The following ATP13A5 variants were observed in gnomAD, a reference collection of about 807,000 sequenced individuals.
ATP13A5 encodes the protein ATPase 13A5, also known as probable cation-transporting ATPase 13A5.
Under a neutral mutation model 150.2 loss-of-function variants are expected in ATP13A5, and 149 were observed. The observed-to-expected ratio is 0.99, with a 90% confidence interval of 0.87 to 1.14. The LOEUF is 1.14. Ranked by LOEUF, ATP13A5 falls within the 50% of genes most tolerant of loss-of-function variation. ATP13A5 has a pLI of 0.00. For synonymous variants in ATP13A5, 497 were observed against 522.2 expected (o/e 0.95, Z 0.66); for missense variants, 1,383 against 1,449.3 (o/e 0.95, Z 0.74).
At chr3:193,306,128 G>C (rs1181944873) in intron 22 of ATP13A5, among the ~76,000 whole-genome samples, 1 of 151,382 alleles carries the variant, frequency 6.6e-6, no homozygotes, top group Non-Finnish European at 1.5e-5. Context: ...GGCATAAAAT[G>C]AACTTTTATA....
rs2108855660 is a variant in ATP13A5 at position 193,315,042 on chromosome 3, G to A, written c.2088C>T (p.Arg696=). 6.2e-7 allele frequency: 1 copy of A among 1,613,444 alleles called. No homozygotes were observed. Among genetic ancestry groups the A allele is most frequent in the Non-Finnish European group, 8.5e-7 (1 of 1,179,648 alleles). The part of the protein sequence containing the change: ...TFLGLLIMEN[R]LKKETKLVLK... ...AGACCAGTTTGGTTTCTTTTTTCAA[G>A]CGATTCTCCATGATGAGAAGTCCCA... Residue 696 remains arginine, a synonymous_variant, in exon 18 of 30, where the codon CGC becomes CGT. Coordinates refer to ENST00000342358, the MANE Select transcript of ATP13A5 (RefSeq NM_198505.4).
intron 26 of ATP13A5, among the ~76,000 whole-genome samples, chr3:193,286,928 G>A (rs1384462852): frequency 6.6e-6 from 1 of 152,118 alleles, no homozygotes; most frequent in African/African-American, 2.4e-5. Flanking sequence ...TGTTATTCCA[G>A]TGAACACATG....
At chr3:193,287,915 A>G (rs1002937943) in intron 26 of ATP13A5, among the ~76,000 whole-genome samples, 1 of 152,182 alleles carries the variant, frequency 6.6e-6, no homozygotes, top group Admixed American at 6.5e-5. Context: ...TAAAAACATC[A>G]ACATTAATGG....
intron 28 of ATP13A5, among the ~76,000 whole-genome samples, chr3:193,277,154 A>G (rs999693553): frequency 5.9e-5 from 9 of 152,194 alleles, no homozygotes; most frequent in African/African-American, 1.9e-4. Flanking sequence ...TATCTTTTCA[A>G]ACAGAAGGCT....
chr3:193,282,721 G>A (rs1326821750), intron 27 of ATP13A5, among the ~76,000 whole-genome samples: 1 of 152,168 alleles, frequency 6.6e-6, no homozygotes, highest in African/African-American at 2.4e-5. Context: ...TTGTAATGGA[G>A]AAAACAACGA....
chr3:193,333,303 T>C (rs1711714795), intron 11 of ATP13A5, among the ~76,000 whole-genome samples: 1 of 152,104 alleles, frequency 6.6e-6, no homozygotes, highest in South Asian at 2.1e-4. Context: ...GCTCACACTG[T>C]TATGATCCCA....
At position 193,275,139 on chromosome 3, in the gene ATP13A5, T is replaced by C. The variant is rs758479666; in HGVS notation, c.3560A>G (p.Tyr1187Cys). 5.6e-6 allele frequency: 9 copies of C among 1,614,224 alleles called. No individual in the cohort carries two copies. The highest frequency in any genetic ancestry group is 7.6e-6 in the Non-Finnish European group (9 of 1,180,026). The change falls in exon 30 of 30, where the codon TAC becomes TGC. Residue 1187 changes from tyrosine (Y) to cysteine (C), a missense_variant. Tyr to Cys is a radical substitution (Grantham distance 194). Around this residue, in one of 3 missense-constraint regions of ATP13A5, gnomAD observed 568 missense variants for 621.5 expected, o/e 0.91. Transcript: ENST00000342358. ...ATGGCTTTCATAGCCTCCGTTGATG[T>C]AGAATCCATTTTTGCCATCACCTGA... ...DYSGDGKNGFYINGGYESHEQ... is the reference protein window; with the variant it reads ...DYSGDGKNGFCINGGYESHEQ...
intron 21 of ATP13A5, among the ~76,000 whole-genome samples, 172 bp downstream of exon 21, chr3:193,310,466 C>G (rs1157960366): frequency 1.3e-5 from 2 of 152,170 alleles, no homozygotes; most frequent in African/African-American, 2.4e-5. Flanking sequence ...AATGGCTGAA[C>G]TAATTTACAC....
At chr3:193,283,125 A>G (rs1717571888) in intron 27 of ATP13A5, among the ~76,000 whole-genome samples, 1 of 152,208 alleles carries the variant, frequency 6.6e-6, no homozygotes, top group Non-Finnish European at 1.5e-5. Flanking sequence ...AAACACATAT[A>G]TGAAGATAGG....
intron 12 of ATP13A5, among the ~76,000 whole-genome samples, chr3:193,328,304 C>T (rs1185223552): frequency 1.3e-5 from 2 of 152,176 alleles, no homozygotes; most frequent in African/African-American, 4.8e-5. Flanking sequence ...ATTTGAACTT[C>T]ACAAAGAAGG....
At chr3:193,296,666 G>T (rs969802496) in intron 25 of ATP13A5, among the ~76,000 whole-genome samples, 15 of 151,940 alleles carry the variant, frequency 9.9e-5, no homozygotes, top group African/African-American at 3.6e-4. Context: ...TTGGCTATTC[G>T]TGCTCTTTTT....
Position 193,276,782 on chromosome 3 carries a change from G to C in ATP13A5, c.3364C>G (p.Leu1122Val), listed in dbSNP as rs1560109038. 4 of 1,613,290 alleles carry C rather than the reference G, an allele frequency of 2.5e-6. No homozygotes were observed. Among genetic ancestry groups the C allele is most frequent in the Non-Finnish European group, 3.4e-6 (4 of 1,179,472 alleles). The change falls in exon 29 of 30, where the codon CTC (leucine) becomes GTC (valine). Residue 1122 changes from leucine to valine, a missense_variant. Physicochemically the swap from Leu to Val is conservative, Grantham distance 32. Coordinates refer to ENST00000342358, the MANE Select transcript of ATP13A5 (RefSeq NM_198505.4). ...AAGAAAGCCACACAGAATTGGGTGAGGGCTACCACCAAAATTAAAACCCTC... is the reference window on the plus strand; with the variant it reads ...AAGAAAGCCACACAGAATTGGGTGACGGCTACCACCAAAATTAAAACCCTC... ...SWRVLILVVA[L>V]TQFCVAFFVE...
chr3:193,332,927 T>C (rs1711690004), intron 11 of ATP13A5, among the ~76,000 whole-genome samples: 1 of 152,144 alleles, frequency 6.6e-6, no homozygotes, highest in African/African-American at 2.4e-5. Flanking sequence ...TAAATTGGCA[T>C]ACTCCCTCAA....
chr3:193,344,044 G>T lies in ATP13A5; in HGVS notation c.826C>A (p.Leu276Met). 1 of 1,613,128 alleles carries T rather than the reference G, an allele frequency of 6.2e-7. No homozygotes were observed. The highest frequency in any genetic ancestry group is 8.5e-7 in the Non-Finnish European group (1 of 1,179,402). ...IIVKDKGLEE[L>M]ESRLLVPGDI... ...CCGGGAACCAAGAGACGGGATTCCA[G>T]CTCCTCCAAACCTACACCAAAGCAA... The change falls in exon 9 of 30, where the codon CTG becomes ATG. Residue 276 changes from leucine to methionine, a missense_variant. Physicochemically the swap from Leu to Met is conservative, Grantham distance 15. This residue lies in a region of ATP13A5 where 787 missense variants were observed against 771.9 expected (regional missense o/e 1.02). Coordinates refer to ENST00000342358, the MANE Select transcript of ATP13A5 (RefSeq NM_198505.4).
intron 22 of ATP13A5, chr3:193,307,097 C>T (rs1168350375): frequency 1.5e-6 from 2 of 1,343,406 alleles, no homozygotes; most frequent in Non-Finnish European, 1.9e-6. Context: ...GTCTAAGTAG[C>T]CTTCCTTTGT....
Position 193,351,082 on chromosome 3 carries a change from C to T in ATP13A5, c.726G>A (p.Val242=), listed in dbSNP as rs2108890658. ...ILTVISIVLS[V]YDLRQQSVKL... The stretch of plus-strand genomic sequence containing the variant: ...CAGGTCTTACCTGTCGCAAATCATA[C>T]ACACTTAAGACAATGGAGATAACAG... The change falls in exon 7 of 30, where the codon GTG becomes GTA. Residue 242 remains valine (V), a synonymous_variant. Coordinates refer to ENST00000342358, the MANE Select transcript of ATP13A5 (RefSeq NM_198505.4). 1 of 1,612,930 alleles carries T rather than the reference C, an allele frequency of 6.2e-7. No individual in the cohort carries two copies. The highest frequency in any genetic ancestry group is 1.7e-4 in the Middle Eastern group (1 of 6,058).
intron 21 of ATP13A5, among the ~76,000 whole-genome samples, 163 bp downstream of exon 21, chr3:193,310,475 A>G (rs1014200613): frequency 2.6e-5 from 4 of 152,050 alleles, no homozygotes; most frequent in Admixed American, 2.6e-4. Context: ...ACTAATTTAC[A>G]CTCCCACCAA....
intron 25 of ATP13A5, among the ~76,000 whole-genome samples, chr3:193,292,548 G>A (rs943991557): frequency 2.6e-5 from 4 of 152,136 alleles, no homozygotes; most frequent in African/African-American, 9.7e-5. Context: ...GCACAGCCGG[G>A]CTTGCCCTGT....
chr3:193,291,752 A>G (rs954721227), intron 25 of ATP13A5, among the ~76,000 whole-genome samples: 2 of 151,920 alleles, frequency 1.3e-5, no homozygotes, highest in African/African-American at 2.4e-5. Flanking sequence ...TACTCTGCAT[A>G]TTGTCACCCA....
Sources: gnomAD v4.1 joint callset for allele counts (sites outside exome capture counted in the v4.1 genomes callset) on GRCh38, gnomAD v4.1.1 for gene constraint, gnomAD v4.1.1 regional missense constraint, MANE v1.5 for transcripts, NCBI Gene and HGNC (gene_info 2026-07-23, HGNC 2026-07-21) for gene names.